The following POLG variants were observed in gnomAD, a reference collection of about 807,000 sequenced individuals.
The protein encoded by POLG is DNA polymerase gamma, catalytic subunit, also known as DNA polymerase subunit gamma-1.
In POLG, 110 loss-of-function variants were observed where a neutral mutation model predicts 155.4. That is an observed-to-expected ratio of 0.71 (90% CI 0.61 to 0.83). The LOEUF is 0.83. POLG is among the 40% of genes least tolerant of loss of function. The pLI is 0.00. For missense variants in POLG, 1,685 were observed against 1,627.5 expected, an observed-to-expected ratio of 1.04 and a Z score of -0.61; for synonymous variants, 701 against 631.5, an observed-to-expected ratio of 1.11 and a Z score of -1.65.
chr15:89,331,811 C>G (rs890210262), intron 2 of POLG, among the ~76,000 whole-genome samples: 4 of 151,898 alleles, frequency 2.6e-5, no homozygotes, highest in Non-Finnish European at 5.9e-5. Flanking sequence ...GAGGAAGGTC[C>G]CAGCATGAGC....
At position 89,325,136 on chromosome 15, in the gene POLG, G is replaced by A. The variant is rs1441946528; in HGVS notation, c.1949+314C>T. Reference sequence around the variant, plus strand: ...AGAGTGAGTGAGTGAGTGAGAGAGTGAGTGAGAGAGTGAGTGAGTGAGTGA... The same window carrying A: ...AGAGTGAGTGAGTGAGTGAGAGAGTAAGTGAGAGAGTGAGTGAGTGAGTGA... On this transcript the variant is annotated intron_variant, in intron 10 of 22. Coordinates refer to ENST00000268124, the MANE Select transcript of POLG (RefSeq NM_002693.3). Among the ~76,000 whole-genome samples the A allele has an allele frequency of 5.9e-4, 40 of 67,646 alleles. 1 individual carries two copies. Among genetic ancestry groups the A allele is most frequent in the African/African-American group, 2.1e-3 (36 of 17,240 alleles). The allele number at this position is 67,646 out of a possible 152,430, so 44.4% of individuals were successfully genotyped here. A position where few individuals can be genotyped will look rare whatever the true frequency, so the allele number is the denominator to read the frequency against.
rs375568071 is a variant in POLG, at chr15:89,327,871, C to T, written c.1251-522G>A. On this transcript the variant is annotated intron_variant, in intron 6 of 22. Transcript: ENST00000268124. Reference sequence around the variant, plus strand: ...ATATCTTTATGATGATCCACTTCCACCTAATGAATAGTAAACATATTTTCT... The same window carrying T: ...ATATCTTTATGATGATCCACTTCCATCTAATGAATAGTAAACATATTTTCT... Among the ~76,000 whole-genome samples, 71 of 152,082 alleles carry T rather than the reference C, an allele frequency of 4.7e-4. No individual in the cohort carries two copies. The South Asian group carries it at 0.015, about 32-fold the overall frequency.
rs1567186910 is a variant in POLG, at chr15:89,321,408, G to GTCACACCAATT, written c.2599-149_2599-148insAATTGGTGTGA. On this transcript the variant is annotated intron_variant, in intron 16 of 22. Transcript: ENST00000268124. ...GCTGAAATTCCACAGTTCCAGAGAT[G>GTCACACCAATT]GCCACCTATCAGCAATTGGTGTGAC... 53 of 939,014 alleles carry GTCACACCAATT rather than the reference G, an allele frequency of 5.6e-5. No individual in the cohort carries two copies. The African/African-American group carries it at 6.0e-4, about 11-fold the overall frequency. 58.2% of individuals were successfully genotyped at this position (939,014 alleles called of 1,614,324 possible).
At position 89,323,802 on chromosome 15, in the gene POLG, G is replaced by C. The variant is rs369774697; in HGVS notation, c.2157+13C>G. 3.1e-6 allele frequency: 5 copies of C among 1,608,912 alleles called. No individual in the cohort carries two copies. The highest frequency in any genetic ancestry group is 4.3e-6 in the Non-Finnish European group (5 of 1,175,388). ...GCACCCACCTAGAGAACCCAAGCCG[G>C]CGCACTGCTCACCAGAGCTAGGGGT... On this transcript the variant is annotated intron_variant, in intron 12 of 22. Coordinates refer to ENST00000268124, the MANE Select transcript of POLG (RefSeq NM_002693.3).
At position 89,316,749 on chromosome 15, in the gene POLG, T is replaced by C. The variant is rs752239394; in HGVS notation, c.*2A>G. 3.1e-6 allele frequency: 5 copies of C among 1,609,446 alleles called. No individual in the cohort carries two copies. In the South Asian group the frequency reaches 5.5e-5, roughly 18 times the overall value. On this transcript the variant is annotated 3_prime_UTR_variant, in exon 23 of 23. Transcript: ENST00000268124. ...GAGCAAATACAGAGCCTCCAGGCAGTGCTATGGTCCAGGCTGGCTTCGTTT... is the reference window on the plus strand; with the variant it reads ...GAGCAAATACAGAGCCTCCAGGCAGCGCTATGGTCCAGGCTGGCTTCGTTT...
chr15:89,330,040 C>T (rs1178398959), intron 3 of POLG, 41 bp downstream of exon 3: 1 of 1,522,198 alleles, frequency 6.6e-7, no homozygotes, highest in African/African-American at 1.4e-5. Context: ...GCTCCTGGCC[C>T]ATCCCATGCC....
At chr15:89,319,428 A>C (rs910776749) in intron 18 of POLG, 78 bp from the exon 19 acceptor site, 2 of 1,580,864 alleles carry the variant, frequency 1.3e-6, no homozygotes, top group Non-Finnish European at 1.7e-6. Context: ...GAATGTTCAC[A>C]TATCACTTCA....
Position 89,327,067 on chromosome 15 carries a change from C to A in POLG, c.1434-4G>T. The A allele has an allele frequency of 6.2e-7, 1 of 1,614,248 alleles. No homozygotes were observed. Among genetic ancestry groups the A allele is most frequent in the Non-Finnish European group, 8.5e-7 (1 of 1,180,040 alleles). On this transcript the variant is annotated splice_region_variant and splice_polypyrimidine_tract_variant and intron_variant, in intron 7 of 22. Coordinates refer to ENST00000268124, the MANE Select transcript of POLG (RefSeq NM_002693.3). ...GAGCCAGGGGTCTTCTTTGTACCTA[C>A]AGAGCCAGTCCACTAGGGCAGGGCT...
Position 89,326,691 on chromosome 15 carries a change from C to T in POLG, c.1633G>A (p.Ala545Thr). ...TTCAGCTTCTGCAAGCAGGCGCGGGCCATGACATCTTGTTGAAACTCCTCC... is the reference window on the plus strand; with the variant it reads ...TTCAGCTTCTGCAAGCAGGCGCGGGTCATGACATCTTGTTGAAACTCCTCC... ...EEEEFQQDVM[A>T]RACLQKLKGT... The change falls in exon 9 of 23, where the codon GCC becomes ACC. Residue 545 changes from alanine (A) to threonine (T), a missense_variant. Around this residue, in one of 3 missense-constraint regions of POLG, gnomAD observed 1,210 missense variants for 1,167.1 expected, o/e 1.04. Coordinates refer to ENST00000268124, the MANE Select transcript of POLG (RefSeq NM_002693.3). 6.2e-7 allele frequency: 1 copy of T among 1,614,130 alleles called. No individual in the cohort carries two copies. Among genetic ancestry groups the T allele is most frequent in the Non-Finnish European group, 8.5e-7 (1 of 1,180,026 alleles).
chr15:89,329,130 A>C lies in POLG; in HGVS notation c.856-20T>G, dbSNP rs1465295530. ...GGAACCCTGAGGAGGAGGAGGAGAA[A>C]AGGGAAGGGAAGGAGGGAGGCTGCA... On this transcript the variant is annotated intron_variant, in intron 3 of 22. Transcript: ENST00000268124. The C allele has an allele frequency of 6.2e-7, 1 of 1,600,224 alleles. No homozygotes were observed. The highest frequency in any genetic ancestry group is 1.3e-5 in the African/African-American group (1 of 74,650).
In POLG at chr15:89,321,254, G is replaced by T. The variant is rs751376824; in HGVS notation, c.2605C>A (p.Arg869=). The T allele has an allele frequency of 1.2e-6, 2 of 1,614,060 alleles. No individual in the cohort carries two copies. Among genetic ancestry groups the T allele is most frequent in the Non-Finnish European group, 1.7e-6 (2 of 1,179,970 alleles). The stretch of plus-strand genomic sequence containing the variant: ...ATGGCTTTCAACTCACTGCCTACTC[G>T]GTCAGGCTGTGGGAAGAGTGAGATA... The part of the protein sequence containing the change: ...WLTASNARPD[R]VGSELKAMVQ... Residue 869 remains arginine, a synonymous_variant, in exon 17 of 23, where the codon CGA becomes AGA. Coordinates refer to ENST00000268124, the MANE Select transcript of POLG (RefSeq NM_002693.3).
Position 89,330,163 on chromosome 15 carries a change from T to C in POLG, c.773A>G (p.Gln258Arg), listed in dbSNP as rs761830723. ...CACTAACTGCTCCTGCCAGTCTCTC[T>C]GGGTGGGGCTGCTGGCACCAGTAGG... ...EVPTGASSPTQRDWQEQLVVG... is the reference protein window; with the variant it reads ...EVPTGASSPTRRDWQEQLVVG... The change falls in exon 3 of 23, where the codon CAG (glutamine) becomes CGG (arginine). Residue 258 changes from glutamine to arginine, a missense_variant. By Grantham distance (43) the Gln-to-Arg change is conservative. Coordinates refer to ENST00000268124, the MANE Select transcript of POLG (RefSeq NM_002693.3). The C allele has an allele frequency of 6.2e-7, 1 of 1,614,002 alleles. No individual in the cohort carries two copies. The highest frequency in any genetic ancestry group is 8.5e-7 in the Non-Finnish European group (1 of 1,180,002).
chr15:89,325,045 T>TGAGTGAGAGAGTGAGTGAGTGAGA (rs1555453270), intron 10 of POLG, among the ~76,000 whole-genome samples: 1 of 114,630 alleles, frequency 8.7e-6, no homozygotes, highest in East Asian at 2.4e-4. Flanking sequence ...AGAGAGTGAG[T>TGAGTGAGAGAGTGAGTGAGTGAGA]GAGTGAGTGA....
intron 21 of POLG, 24 bp from the exon 22 acceptor site, chr15:89,317,560 C>T (rs1380021861): frequency 3.7e-6 from 6 of 1,611,130 alleles, no homozygotes; most frequent in African/African-American, 2.7e-5. Flanking sequence ...AATCTACTCT[C>T]ACAGTCATGC....
At position 89,320,826 on chromosome 15, in the gene POLG, G is replaced by T; in HGVS notation, c.2921C>A (p.Thr974Lys). The T allele has an allele frequency of 1.2e-6, 2 of 1,613,966 alleles. No individual in the cohort carries two copies. The highest frequency in any genetic ancestry group is 1.1e-5 in the South Asian group (1 of 91,074). ...GGCCTTCTCAGCTGCCTCCTGCTGT[G>T]TGAGCCGGTGGTTAAACTGCATTAG... ...RLLMQFNHRL[T>K]QQEAAEKAQQ... Residue 974 changes from threonine to lysine, a missense_variant, in exon 18 of 23, where the codon ACA (threonine) becomes AAA (lysine). By Grantham distance (78) the Thr-to-Lys change is moderately conservative. Around this residue, in one of 3 missense-constraint regions of POLG, gnomAD observed 470 missense variants for 439.9 expected, o/e 1.07. Coordinates refer to ENST00000268124, the MANE Select transcript of POLG (RefSeq NM_002693.3).
chr15:89,331,679 T>C (rs187839619), intron 2 of POLG, among the ~76,000 whole-genome samples: 5 of 152,254 alleles, frequency 3.3e-5, no homozygotes, highest in East Asian at 3.9e-4. Context: ...CCATTGTAAA[T>C]TGTGGGCTGG....
rs1008081056 is a variant in POLG, at chr15:89,321,330, A to G, written c.2599-70T>C. The G allele has an allele frequency of 1.7e-5, 26 of 1,565,834 alleles. 1 individual carries two copies. Among genetic ancestry groups the G allele is most frequent in the Middle Eastern group, 1.7e-4 (1 of 5,946 alleles). On this transcript the variant is annotated intron_variant, in intron 16 of 22. Coordinates refer to ENST00000268124, the MANE Select transcript of POLG (RefSeq NM_002693.3). ...TTCCTGGAGCCAGAGTTGACTGAGA[A>G]AGAGCTAGAGCCTTTCCTGAGGGGA... is the stretch of plus-strand genomic sequence containing the variant.
At chr15:89,323,576 G>C in intron 12 of POLG, 65 bp from the exon 13 acceptor site, 2 of 1,085,084 alleles carry the variant, frequency 1.8e-6, no homozygotes, top group South Asian at 2.5e-5. Context: ...GGGCCATGGG[G>C]TAGGGGGTGG....
chr15:89,332,955 G>C lies in POLG; in HGVS notation c.659+141C>G, dbSNP rs2055613593. ...CAGAAAGTGAGTCCCACATAAACAG[G>C]GGTCTAGTCCTAATTCAACACATCA... On this transcript the variant is annotated intron_variant, in intron 2 of 22. Transcript: ENST00000268124. 3 of 1,095,418 alleles carry C rather than the reference G, an allele frequency of 2.7e-6. No individual in the cohort carries two copies. The East Asian group carries it at 8.4e-5, about 31-fold the overall frequency. 67.9% of individuals were successfully genotyped at this position (1,095,418 alleles called of 1,614,324 possible). A position where few individuals can be genotyped will look rare whatever the true frequency, so the allele number is the denominator to read the frequency against.
Sources: allele counts gnomAD v4.1 joint callset (sites outside exome capture counted in the v4.1 genomes callset), GRCh38; gene constraint gnomAD v4.1.1; regional missense constraint gnomAD v4.1.1; transcripts MANE v1.5; gene names NCBI Gene and HGNC (gene_info 2026-07-23, HGNC 2026-07-21).